The following PRKCA variants were observed in gnomAD, a reference collection of about 807,000 sequenced individuals.
The protein encoded by PRKCA is protein kinase C alpha, also known as protein kinase C alpha type.
A neutral mutation model predicts 87.0 loss-of-function variants in PRKCA; 27 were observed. That is an observed-to-expected ratio of 0.31 (90% CI 0.23 to 0.43). The LOEUF is 0.43. Ranked by LOEUF, PRKCA falls within the 20% of genes least tolerant of loss-of-function variation. The probability of loss-of-function intolerance (pLI) is 1.00; values close to 1 mark genes in which losing one functional copy is unlikely to be tolerated. For synonymous variants in PRKCA, 329 were observed against 311.1 expected, an observed-to-expected ratio of 1.06 and a Z score of -0.61; for missense variants, 518 against 852.3, an observed-to-expected ratio of 0.61 and a Z score of 4.88.
Position 66,788,873 on chromosome 17 carries a change from G to A in PRKCA, c.1748G>A (p.Cys583Tyr). ...MTKHPAKRLG[C>Y]GPEGERDVRE... ...AAACACCCAGCCAAGCGGCTGGGCT[G>A]TGGGCCTGAGGGGGAGAGGGACGTG... is the stretch of plus-strand genomic sequence containing the variant. The change falls in exon 16 of 17, where the codon TGT becomes TAT. Residue 583 changes from cysteine to tyrosine, a missense_variant. This residue lies in a region of PRKCA where 159 missense variants were observed against 232.4 expected (regional missense o/e 0.68). Transcript: ENST00000413366. 1.9e-6 allele frequency: 3 copies of A among 1,614,052 alleles called. No homozygotes were observed. Among genetic ancestry groups the A allele is most frequent in the East Asian group, 4.5e-5 (2 of 44,880 alleles).
chr17:66,488,577 G>A (rs917030117), intron 2 of PRKCA, among the ~76,000 whole-genome samples: 4 of 152,120 alleles, frequency 2.6e-5, no homozygotes, highest in Admixed American at 1.3e-4. Flanking sequence ...TATATCTCAG[G>A]TCCAACCAGG....
At chr17:66,417,916 T>C (rs1461070566) in intron 2 of PRKCA, among the ~76,000 whole-genome samples, 1 of 152,182 alleles carries the variant, frequency 6.6e-6, no homozygotes, top group African/African-American at 2.4e-5. Context: ...CTTTTATTTC[T>C]ATGGTAACTC....
At chr17:66,336,102 C>T (rs1399252764) in intron 2 of PRKCA, among the ~76,000 whole-genome samples, 1 of 152,048 alleles carries the variant, frequency 6.6e-6, no homozygotes, top group Non-Finnish European at 1.5e-5. Flanking sequence ...CTGATGACTT[C>T]TGTTTTTTTT....
At chr17:66,776,754 T>C (rs1023107805) in intron 14 of PRKCA, among the ~76,000 whole-genome samples, 2 of 152,218 alleles carry the variant, frequency 1.3e-5, no homozygotes, top group African/African-American at 4.8e-5. Flanking sequence ...GTTTTATGCA[T>C]TGGTGTTCTT....
chr17:66,458,969 G>C (rs1338119278), intron 2 of PRKCA, among the ~76,000 whole-genome samples: 1 of 152,146 alleles, frequency 6.6e-6, no homozygotes, highest in Admixed American at 6.5e-5. Flanking sequence ...AGATGGGAAC[G>C]TAGAGGCTGA....
intron 2 of PRKCA, among the ~76,000 whole-genome samples, chr17:66,435,947 C>T (rs915358719): frequency 2.6e-5 from 4 of 151,946 alleles, no homozygotes; most frequent in Admixed American, 6.5e-5. Context: ...TTGGAGAGGC[C>T]AAGTTACAGG....
At chr17:66,493,355 C>G (rs1598717976) in intron 2 of PRKCA, among the ~76,000 whole-genome samples, 1 of 150,052 alleles carries the variant, frequency 6.7e-6, no homozygotes, top group East Asian at 2.0e-4. Context: ...ACCCATTTTC[C>G]TGTTACCCAT....
chr17:66,351,747 A>AT (rs1907760803), intron 2 of PRKCA, among the ~76,000 whole-genome samples: 1 of 152,180 alleles, frequency 6.6e-6, no homozygotes, highest in South Asian at 2.1e-4. Flanking sequence ...TAAAAGTAGA[A>AT]TTTGTATAAG....
In PRKCA at chr17:66,792,552, T is replaced by C. The variant is rs1975566208; in HGVS notation, c.1854+3573T>C. 6.6e-6 allele frequency among the ~76,000 whole-genome samples: 1 copy of C among 152,190 alleles called. No individual in the cohort carries two copies. The highest frequency in any genetic ancestry group is 1.5e-5 in the Non-Finnish European group (1 of 68,034). ...GAGTGACTTGACTGAAGTTAACCTT[T>C]AGACCGCAGTGCCATGCAAAATGCG... On this transcript the variant is annotated intron_variant, in intron 16 of 16. Transcript: ENST00000413366. The surrounding 1 kb of genome is among the most constrained non-coding windows in gnomAD (Gnocchi z 4.5).
At chr17:66,441,078 CT>C (rs878915675) in intron 2 of PRKCA, among the ~76,000 whole-genome samples, 1 of 148,916 alleles carries the variant, frequency 6.7e-6, no homozygotes, top group Non-Finnish European at 1.5e-5. Context: ...ATGAGAATTC[CT>C]TGGACCCGGG....
intron 4 of PRKCA, among the ~76,000 whole-genome samples, chr17:66,644,597 CTAGGCGGG>C (rs1343074866): frequency 6.6e-6 from 1 of 152,096 alleles, no homozygotes; most frequent in Non-Finnish European, 1.5e-5. Context: ...GCTGATCATG[CTAGGCGGG>C]TATTTGTTTT....
At chr17:66,765,556 T>TTATA (rs748386604) in intron 13 of PRKCA, among the ~76,000 whole-genome samples, 56 of 142,904 alleles carry the variant, frequency 3.9e-4, no homozygotes, top group Non-Finnish European at 7.0e-4. Context: ...ATATATGTCT[T>TTATA]TATATATATA....
intron 3 of PRKCA, among the ~76,000 whole-genome samples, chr17:66,625,538 G>A (rs1970829387): frequency 6.6e-6 from 1 of 152,182 alleles, no homozygotes; most frequent in Non-Finnish European, 1.5e-5. Context: ...AGATAATGAA[G>A]ATAGAAGATA....
chr17:66,339,284 C>T (rs761547710), intron 2 of PRKCA, among the ~76,000 whole-genome samples: 3 of 152,140 alleles, frequency 2.0e-5, no homozygotes, highest in African/African-American at 4.8e-5. Context: ...CATTGAGATT[C>T]GGCTGTTTAT....
At chr17:66,439,264 T>A (rs961803818) in intron 2 of PRKCA, among the ~76,000 whole-genome samples, 1 of 152,136 alleles carries the variant, frequency 6.6e-6, no homozygotes, top group Admixed American at 6.5e-5. Flanking sequence ...CACTGCAACC[T>A]CCGCCTCCCA....
chr17:66,335,198 A>G (rs1024915635), intron 2 of PRKCA, among the ~76,000 whole-genome samples: 3 of 152,108 alleles, frequency 2.0e-5, no homozygotes, highest in Admixed American at 6.6e-5. Context: ...GTGTGATCAT[A>G]GCTCATGACA....
intron 2 of PRKCA, among the ~76,000 whole-genome samples, chr17:66,470,998 C>T (rs1332220260): frequency 1.4e-5 from 2 of 138,942 alleles, no homozygotes; most frequent in African/African-American, 5.3e-5. Context: ...TATTTGGGAA[C>T]TTTTTTTTTT....
At chr17:66,478,264 A>G (rs1447094404) in intron 2 of PRKCA, among the ~76,000 whole-genome samples, 2 of 151,640 alleles carry the variant, frequency 1.3e-5, no homozygotes, top group African/African-American at 4.8e-5. Flanking sequence ...ATTTTATTTT[A>G]TTTTTTTGAG....
At chr17:66,344,524 C>CAAA (rs1211126896) in intron 2 of PRKCA, among the ~76,000 whole-genome samples, 2 of 151,702 alleles carry the variant, frequency 1.3e-5, no homozygotes, top group South Asian at 2.1e-4. Flanking sequence ...ACAACAACAA[C>CAAA]AAAAAAACAG....
Sources: gnomAD v4.1 joint callset for allele counts (sites outside exome capture counted in the v4.1 genomes callset) on GRCh38, gnomAD v4.1.1 for gene constraint, gnomAD v4.1.1 regional missense constraint, Gnocchi (gnomAD v3.1) non-coding constraint, MANE v1.5 for transcripts, NCBI Gene and HGNC (gene_info 2026-07-23, HGNC 2026-07-21) for gene names.